ELMOD2: variants seen among roughly 807,000 people sequenced by gnomAD.
ELMOD2 encodes the protein ELMO domain-containing protein 2.
Under a neutral mutation model 41.0 loss-of-function variants are expected in ELMOD2, and 28 were observed. The observed-to-expected ratio is 0.68, with a 90% CI of 0.51 to 0.94. ELMOD2 has a LOEUF of 0.94. ELMOD2 is among the 40% of genes least tolerant of loss of function. The pLI, the probability that ELMOD2 is intolerant of heterozygous loss-of-function variation, is 0.00. For synonymous variants in ELMOD2, 106 were observed against 107.2 expected (o/e 0.99, Z 0.07); for missense variants, 333 against 343.1 (o/e 0.97, Z 0.23).
chr4:140,538,401 T>C (rs1734998319), intron 5 of ELMOD2, among the ~76,000 whole-genome samples: 2 of 152,204 alleles, frequency 1.3e-5, no homozygotes, highest in South Asian at 4.1e-4. Flanking sequence ...TAAATAACAC[T>C]AAGCGATACA....
Position 140,543,560 on chromosome 4 carries a change from C to G in ELMOD2, c.710C>G (p.Thr237Arg), listed in dbSNP as rs749642183. Reference protein sequence around the residue: ...HLYNLVPGIPTMEHFHQFYCY... With the variant: ...HLYNLVPGIPRMEHFHQFYCY... ...TATAACCTTGTTCCTGGTATACCAA[C>G]AATGGAACACTTTCATCAGTTTTAC... Residue 237 changes from threonine to arginine, a missense_variant, in exon 8 of 9, where the codon ACA (threonine) becomes AGA (arginine). Transcript: ENST00000323570. 1 of 1,597,568 alleles carries G rather than the reference C, an allele frequency of 6.3e-7. No individual in the cohort carries two copies. Among genetic ancestry groups the G allele is most frequent in the South Asian group, 1.1e-5 (1 of 87,440 alleles).
intron 4 of ELMOD2, among the ~76,000 whole-genome samples, chr4:140,536,779 A>G (rs943213177): frequency 6.6e-6 from 1 of 152,198 alleles, no homozygotes; most frequent in African/African-American, 2.4e-5. Flanking sequence ...GGAATAAAGA[A>G]TAGGAAATTT....
At chr4:140,535,942 A>C (rs1397741834) in intron 4 of ELMOD2, 112 bp downstream of exon 4, 2 of 923,716 alleles carry the variant, frequency 2.2e-6, no homozygotes, top group Non-Finnish European at 1.6e-6. Flanking sequence ...AGATCATCTG[A>C]TTCAGCGCTC....
At chr4:140,531,615 A>G (rs1211300369) in intron 3 of ELMOD2, among the ~76,000 whole-genome samples, 1 of 152,274 alleles carries the variant, frequency 6.6e-6, no homozygotes, top group Non-Finnish European at 1.5e-5. Flanking sequence ...TAGTTGAATA[A>G]TAAATACATT....
intron 8 of ELMOD2, among the ~76,000 whole-genome samples, chr4:140,547,635 T>C (rs552723556): frequency 2.6e-5 from 4 of 152,198 alleles, no homozygotes; most frequent in African/African-American, 9.7e-5. Flanking sequence ...ATCTTAAATA[T>C]ACACTTAAAT....
At chr4:140,543,129 G>A (rs1032969690) in intron 7 of ELMOD2, among the ~76,000 whole-genome samples, 1 of 151,892 alleles carries the variant, frequency 6.6e-6, no homozygotes, top group Non-Finnish European at 1.5e-5. Flanking sequence ...AGATTATCCA[G>A]ATTATCCAGT....
At chr4:140,527,331 C>T in intron 2 of ELMOD2, 135 bp from the exon 3 acceptor site, 2 of 742,702 alleles carry the variant, frequency 2.7e-6, no homozygotes, top group Non-Finnish European at 4.5e-6. Context: ...AAAATGCTTC[C>T]TGTTATATAG....
At chr4:140,525,600 A>C in intron 2 of ELMOD2, 30 bp downstream of exon 2, 2 of 1,583,318 alleles carry the variant, frequency 1.3e-6, no homozygotes, top group South Asian at 1.2e-5. Context: ...AAAAGTACTA[A>C]TAAAAGTTTA....
intron 8 of ELMOD2, among the ~76,000 whole-genome samples, chr4:140,549,619 T>C (rs1013779886): frequency 4.0e-5 from 6 of 150,362 alleles, no homozygotes; most frequent in Non-Finnish European, 8.9e-5. Flanking sequence ...GTTACTTGCA[T>C]TTTTGTGCTT....
intron 8 of ELMOD2, among the ~76,000 whole-genome samples, chr4:140,545,672 T>C (rs1199853184): frequency 6.6e-6 from 1 of 152,188 alleles, no homozygotes; most frequent in Non-Finnish European, 1.5e-5. Flanking sequence ...TGCTTTCCTT[T>C]ACCATTCCAA....
At chr4:140,536,101 ATAACT>A (rs1431174446) in intron 4 of ELMOD2, among the ~76,000 whole-genome samples, 3 of 152,138 alleles carry the variant, frequency 2.0e-5, no homozygotes, top group Admixed American at 2.0e-4. Flanking sequence ...CCCAAGGTTA[ATAACT>A]TTGGCTACTA....
chr4:140,545,372 C>T (rs1012200413), intron 8 of ELMOD2, among the ~76,000 whole-genome samples: 1 of 152,136 alleles, frequency 6.6e-6, no homozygotes, highest in Admixed American at 6.6e-5. Context: ...TCTCTTTAGC[C>T]CTCATACTTT....
intron 7 of ELMOD2, 36 bp from the exon 8 acceptor site, chr4:140,543,417 G>A: frequency 1.9e-6 from 3 of 1,564,582 alleles, no homozygotes; most frequent in Non-Finnish European, 2.6e-6. Context: ...TGAGTTATTT[G>A]GCTAGCTGGT....
intron 5 of ELMOD2, among the ~76,000 whole-genome samples, chr4:140,538,706 T>C (rs1369286629): frequency 6.6e-6 from 1 of 151,968 alleles, no homozygotes; most frequent in Non-Finnish European, 1.5e-5. Flanking sequence ...TGAAATTCAG[T>C]TCTACACTAC....
intron 8 of ELMOD2, among the ~76,000 whole-genome samples, chr4:140,546,720 C>T (rs1735299212): frequency 6.6e-6 from 1 of 151,872 alleles, no homozygotes; most frequent in Non-Finnish European, 1.5e-5. Flanking sequence ...GACCTTTGTG[C>T]AGTATTTTTC....
At chr4:140,544,267 G>C (rs538051710) in intron 8 of ELMOD2, among the ~76,000 whole-genome samples, 139 of 152,178 alleles carry the variant, frequency 9.1e-4, no homozygotes, top group Middle Eastern at 3.4e-3. Context: ...TTAGATAATA[G>C]GTGGCCAAAT....
At position 140,543,593 on chromosome 4, in the gene ELMOD2, A is replaced by G; in HGVS notation, c.736+7A>G. On this transcript the variant is annotated splice_region_variant and intron_variant, in intron 8 of 8. Transcript: ENST00000323570. ...CACTTTCATCAGTTTTACTGTGAGT[A>G]TTAAAATGAGTTAAAACTAGATCTT... The G allele has an allele frequency of 6.4e-7, 1 of 1,570,684 alleles. No homozygotes were observed. Among genetic ancestry groups the G allele is most frequent in the Non-Finnish European group, 8.6e-7 (1 of 1,165,074 alleles).
intron 5 of ELMOD2, 78 bp from the exon 6 acceptor site, chr4:140,540,090 G>A: frequency 6.7e-7 from 1 of 1,497,072 alleles, no homozygotes; most frequent in African/African-American, 1.4e-5. Flanking sequence ...TTCTACAAAA[G>A]TTATTTGATA....
rs746318253 is a variant in ELMOD2, at chr4:140,525,553, A to C, written c.125A>C (p.Gln42Pro). 1 of 1,612,316 alleles carries C rather than the reference A, an allele frequency of 6.2e-7. No homozygotes were observed. The highest frequency in any genetic ancestry group is 8.5e-7 in the Non-Finnish European group (1 of 1,179,452). The change falls in exon 2 of 9, where the codon CAA becomes CCA. Residue 42 changes from glutamine to proline, a missense_variant. Transcript: ENST00000323570. Reference protein sequence around the residue: ...QRIFDTYVGAQRTHRIENSLT... With the variant: ...QRIFDTYVGAPRTHRIENSLT... The stretch of plus-strand genomic sequence containing the variant: ...ATATTTGATACCTATGTAGGTGCAC[A>C]AAGGACACACAGGATAGGTAATGTT...
Sources: allele counts gnomAD v4.1 joint callset (sites outside exome capture counted in the v4.1 genomes callset), GRCh38; gene constraint gnomAD v4.1.1; transcripts MANE v1.5; gene names NCBI Gene and HGNC (gene_info 2026-07-23, HGNC 2026-07-21).